MAB21L3: variants seen among roughly 807,000 people sequenced by gnomAD.
MAB21L3 encodes protein mab-21-like 3.
In MAB21L3, 36 loss-of-function variants were observed where a neutral mutation model predicts 37.7. The ratio of observed to expected loss-of-function variants is 0.96; its 90% CI spans 0.73 to 1.26. The LOEUF is 1.26. Among genes scored for constraint, MAB21L3 ranks in the 50% most tolerant of loss-of-function variants. MAB21L3 has a pLI of 0.00. For synonymous variants in MAB21L3, 186 were observed against 176.8 expected (o/e 1.05, Z -0.41); for missense variants, 430 against 447.3 (o/e 0.96, Z 0.35).
intron 7 of MAB21L3, among the ~76,000 whole-genome samples, chr1:116,131,086 C>G (rs996960778): frequency 2.0e-5 from 3 of 152,184 alleles, no homozygotes; most frequent in Non-Finnish European, 4.4e-5. Flanking sequence ...CTAGCCTTTG[C>G]TGGGTACTGG....
chr1:116,114,894 G>A (rs530495960), intron 3 of MAB21L3, among the ~76,000 whole-genome samples: 1 of 152,326 alleles, frequency 6.6e-6, no homozygotes, highest in South Asian at 2.1e-4. Flanking sequence ...TGGAGGAAGT[G>A]TAGGGTTTTA....
Position 116,133,318 on chromosome 1 carries a change from C to G in MAB21L3, c.1042C>G (p.Gln348Glu). The change falls in exon 8 of 8, where the codon CAA becomes GAA. Residue 348 changes from glutamine to glutamate, a missense_variant. Gln to Glu is a conservative substitution (Grantham distance 29). Coordinates refer to ENST00000369500, the MANE Select transcript of MAB21L3 (RefSeq NM_152367.3). ...CCCGACTGAACTGGACACTGTGGCC[C>G]AAAAGCTGGCCACCTTCCTGAAGAA... ...TNPTELDTVA[Q>E]KLATFLKNPQ... 6.2e-7 allele frequency: 1 copy of G among 1,614,182 alleles called. No individual in the cohort carries two copies. The highest frequency in any genetic ancestry group is 8.5e-7 in the Non-Finnish European group (1 of 1,180,018).
At chr1:116,112,810 G>C in intron 3 of MAB21L3, 147 bp downstream of exon 3, 1 of 778,170 alleles carries the variant, frequency 1.3e-6, no homozygotes, top group Non-Finnish European at 2.2e-6. Flanking sequence ...AACAATGTTT[G>C]GGGGCTTAAC....
At chr1:116,122,780 CT>C (rs1659789719) in intron 4 of MAB21L3, among the ~76,000 whole-genome samples, 1 of 152,144 alleles carries the variant, frequency 6.6e-6, no homozygotes, top group Admixed American at 6.5e-5. Flanking sequence ...ATTGCCCAAG[CT>C]GCTCAACAAA....
Position 116,124,347 on chromosome 1 carries a change from T to C in MAB21L3, c.471T>C (p.Cys157=). The C allele has an allele frequency of 6.2e-7, 1 of 1,612,712 alleles. No homozygotes were observed. The highest frequency in any genetic ancestry group is 8.5e-7 in the Non-Finnish European group (1 of 1,179,710). Residue 157 remains cysteine (C), a synonymous_variant, in exon 5 of 8, where the codon TGT becomes TGC. Coordinates refer to ENST00000369500, the MANE Select transcript of MAB21L3 (RefSeq NM_152367.3). The part of the protein sequence containing the change: ...RKLVENAVRT[C]HLSGKVSLLG... The stretch of plus-strand genomic sequence containing the variant: ...TGGTGGAAAATGCAGTTAGAACCTG[T>C]CACCTCTCAGGTGAGCTGATCAGGA...
chr1:116,118,059 G>A (rs1021445787), intron 3 of MAB21L3, among the ~76,000 whole-genome samples: 3 of 151,980 alleles, frequency 2.0e-5, no homozygotes, highest in African/African-American at 7.3e-5. Context: ...AAAACTGTTC[G>A]CATCCCTGTT....
In MAB21L3 at chr1:116,111,479, G is replaced by A. The variant is rs988658404; in HGVS notation, c.-423G>A. On this transcript the variant is annotated 5_prime_UTR_variant, in exon 1 of 8. It introduces an in-frame stop codon into an upstream open reading frame of the 5' UTR. Coordinates refer to ENST00000369500, the MANE Select transcript of MAB21L3 (RefSeq NM_152367.3). ...GTGGGCAGCACTTACAGGTGGGCTT[G>A]GAAACACTTGCCTTTGGAACATTGT... Among the ~76,000 whole-genome samples the A allele has an allele frequency of 6.6e-6, 1 of 152,144 alleles. No homozygotes were observed. Among genetic ancestry groups the A allele is most frequent in the Non-Finnish European group, 1.5e-5 (1 of 68,036 alleles).
In MAB21L3 at chr1:116,137,988, G is replaced by C; in HGVS notation, c.*4623G>C. Reference sequence around the variant, plus strand: ...GGGACTGTTGTGGGGTGGGGGGAGGGGGGAGGGATAGCATTGGGAGATATA... The same window carrying C: ...GGGACTGTTGTGGGGTGGGGGGAGGCGGGAGGGATAGCATTGGGAGATATA... On this transcript the variant is annotated 3_prime_UTR_variant, in exon 8 of 8. Coordinates refer to ENST00000369500, the MANE Select transcript of MAB21L3 (RefSeq NM_152367.3). 8.6e-6 allele frequency among the ~76,000 whole-genome samples: 1 copy of C among 116,122 alleles called. No individual in the cohort carries two copies. The highest frequency in any genetic ancestry group is 1.0e-4 in the Admixed American group (1 of 9,674). 76.2% of individuals were successfully genotyped at this position (116,122 alleles called of 152,430 possible). A position where few individuals can be genotyped will look rare whatever the true frequency, so the allele number is the denominator to read the frequency against.
chr1:116,135,441 C>T lies in MAB21L3; in HGVS notation c.*2076C>T, dbSNP rs1188064261. 3.3e-5 allele frequency among the ~76,000 whole-genome samples: 5 copies of T among 152,062 alleles called. No homozygotes were observed. The highest frequency in any genetic ancestry group is 4.8e-5 in the African/African-American group (2 of 41,398). ...AGACTAAACCAGGAAGAAGTTGAATCTCTGAATAGACCAATAACAGGATCT... is the reference window on the plus strand; with the variant it reads ...AGACTAAACCAGGAAGAAGTTGAATTTCTGAATAGACCAATAACAGGATCT... On this transcript the variant is annotated 3_prime_UTR_variant, in exon 8 of 8. Coordinates refer to ENST00000369500, the MANE Select transcript of MAB21L3 (RefSeq NM_152367.3).
At chr1:116,124,043 T>C in intron 4 of MAB21L3, 23 bp from the exon 5 acceptor site, 1 of 1,570,486 alleles carries the variant, frequency 6.4e-7, no homozygotes, top group Non-Finnish European at 8.6e-7. Context: ...TCATGCTTGT[T>C]TTCAATCCTT....
rs1570808226 is a variant in MAB21L3 at position 116,124,203 on chromosome 1, T to G, written c.327T>G (p.Gly109=). 1 of 1,614,126 alleles carries G rather than the reference T, an allele frequency of 6.2e-7. No homozygotes were observed. Among genetic ancestry groups the G allele is most frequent in the South Asian group, 1.1e-5 (1 of 91,076 alleles). ...CCTGCCCGTTGCGGGACCCTGAGGG[T>G]CTGCAGCAGTGGCTGGAGGTGGAAC... is the stretch of plus-strand genomic sequence containing the variant. ...RLPCPLRDPE[G]LQQWLEVEQF... The change falls in exon 5 of 8, where the codon GGT becomes GGG. Residue 109 remains glycine (G), a synonymous_variant. Coordinates refer to ENST00000369500, the MANE Select transcript of MAB21L3 (RefSeq NM_152367.3).
At position 116,111,438 on chromosome 1, in the gene MAB21L3, T is replaced by A. The variant is rs928265990; in HGVS notation, c.-464T>A. Reference sequence around the variant, plus strand: ...GATATGCAAACGCTGAGGCCCCAAATAGTGCAGTGGCCTTTGTGGGCAGCA... The same window carrying A: ...GATATGCAAACGCTGAGGCCCCAAAAAGTGCAGTGGCCTTTGTGGGCAGCA... On this transcript the variant is annotated 5_prime_UTR_variant, in exon 1 of 8. Transcript: ENST00000369500. 6.6e-6 allele frequency among the ~76,000 whole-genome samples: 1 copy of A among 152,100 alleles called. No homozygotes were observed. The highest frequency in any genetic ancestry group is 2.4e-5 in the African/African-American group (1 of 41,412).
Position 116,124,138 on chromosome 1 carries a change from C to G in MAB21L3, c.262C>G (p.Gln88Glu). Residue 88 changes from glutamine to glutamate, a missense_variant, in exon 5 of 8, where the codon CAG becomes GAG. Transcript: ENST00000369500. ...GGCCGGGTACAGGGAGGCCAGGGAG[C>G]AGCACTGGCGGTACTACACACTGCA... ...GLAGYREARE[Q>E]HWRYYTLQGT... 1 of 1,614,160 alleles carries G rather than the reference C, an allele frequency of 6.2e-7. No individual in the cohort carries two copies. The highest frequency in any genetic ancestry group is 8.5e-7 in the Non-Finnish European group (1 of 1,179,994).
chr1:116,123,721 C>T (rs145830699), intron 4 of MAB21L3, among the ~76,000 whole-genome samples: 3 of 152,328 alleles, frequency 2.0e-5, no homozygotes, highest in East Asian at 1.9e-4. Flanking sequence ...ATTAGAATTA[C>T]GGTGTTGCGT....
chr1:116,111,580 A>G (rs1245246621), intron 1 of MAB21L3, among the ~76,000 whole-genome samples, 49 bp from the exon 2 acceptor site: 1 of 151,692 alleles, frequency 6.6e-6, no homozygotes, highest in Non-Finnish European at 1.5e-5. Flanking sequence ...GATGTTTACC[A>G]GCTTCAAGGA....
intron 3 of MAB21L3, among the ~76,000 whole-genome samples, chr1:116,118,292 C>G (rs1570803246): frequency 2.0e-5 from 3 of 151,592 alleles, no homozygotes; most frequent in South Asian, 2.1e-4. Context: ...TGAGGCAGGA[C>G]AATCACTTGA....
At position 116,127,757 on chromosome 1, in the gene MAB21L3, C is replaced by T. The variant is rs990461200; in HGVS notation, c.660+113C>T. 7 of 1,164,898 alleles carry T rather than the reference C, an allele frequency of 6.0e-6. No individual in the cohort carries two copies. In the African/African-American group the frequency reaches 7.8e-5, roughly 13 times the overall value. The allele number at this position is 1,164,898 out of a possible 1,614,324, so 72.2% of individuals were successfully genotyped here. A position where few individuals can be genotyped will look rare whatever the true frequency, so the allele number is the denominator to read the frequency against. On this transcript the variant is annotated intron_variant, in intron 6 of 7. Coordinates refer to ENST00000369500, the MANE Select transcript of MAB21L3 (RefSeq NM_152367.3). ...AAGGAAAGTTGAGGTGTTACTAGATCAGCAGTTCTCAAAGTGTGGGCCCTG... is the reference window on the plus strand; with the variant it reads ...AAGGAAAGTTGAGGTGTTACTAGATTAGCAGTTCTCAAAGTGTGGGCCCTG...
intron 5 of MAB21L3, among the ~76,000 whole-genome samples, chr1:116,125,918 T>C (rs1251399366): frequency 6.7e-6 from 1 of 150,016 alleles, no homozygotes; most frequent in Non-Finnish European, 1.5e-5. Context: ...TCGGCTCACC[T>C]CTTATGCTGT....
chr1:116,128,033 T>C, intron 6 of MAB21L3, 112 bp from the exon 7 acceptor site: 1 of 1,120,592 alleles, frequency 8.9e-7, no homozygotes, highest in Non-Finnish European at 1.3e-6. Context: ...ACGTAGGATG[T>C]GCTGTCTGCC....
Sources: allele counts gnomAD v4.1 joint callset (sites outside exome capture counted in the v4.1 genomes callset), GRCh38; gene constraint gnomAD v4.1.1; transcripts MANE v1.5; gene names NCBI Gene and HGNC (gene_info 2026-07-23, HGNC 2026-07-21).